Variants in BRD3 observed in about 807,000 individuals in gnomAD.
The protein encoded by BRD3 is bromodomain containing 3.
In BRD3, 17 loss-of-function variants were observed where a neutral mutation model predicts 66.8. The ratio of observed to expected loss-of-function variants is 0.25; its 90% confidence interval spans 0.17 to 0.38. BRD3 has a LOEUF of 0.38. Ranked by LOEUF, BRD3 falls within the 10% of genes least tolerant of loss-of-function variation. BRD3 has a pLI of 1.00. For missense variants in BRD3, 713 were observed against 956.1 expected (o/e 0.75, Z 3.35); for synonymous variants, 421 against 393.2 (o/e 1.07, Z -0.84).
chr9:134,035,358 C>T (rs556737728), intron 10 of BRD3, among the ~76,000 whole-genome samples: 31 of 152,290 alleles, frequency 2.0e-4, no homozygotes, highest in East Asian at 1.7e-3. Flanking sequence ...CATGCACACC[C>T]GAGAGGCCAC....
At chr9:134,036,871 C>T (rs1395703938) in intron 9 of BRD3, among the ~76,000 whole-genome samples, 3 of 151,956 alleles carry the variant, frequency 2.0e-5, no homozygotes, top group Admixed American at 6.6e-5. Flanking sequence ...ATTAGCCGGG[C>T]GTGGTGGCGG....
At position 134,051,877 on chromosome 9, in the gene BRD3, GT is replaced by G. The variant is rs777804125; in HGVS notation, c.352-169del. Among the ~76,000 whole-genome samples, 790 of 92,688 alleles carry G rather than the reference GT, an allele frequency of 8.5e-3. 20 individuals are homozygous for G. Among genetic ancestry groups the G allele is most frequent in the African/African-American group, 0.029 (559 of 19,130 alleles). 60.8% of individuals were successfully genotyped at this position (92,688 alleles called of 152,430 possible). On this transcript the variant is annotated intron_variant, in intron 3 of 11. Transcript: ENST00000303407. ...TGTGTGTGTGTGTGTGTGTGTGTGT[GT>G]TGTTTTTTTTGTTTTTTTTTTTTTT... is the stretch of plus-strand genomic sequence containing the variant.
At chr9:134,049,180 C>G (rs1165398738) in intron 5 of BRD3, among the ~76,000 whole-genome samples, 1 of 152,132 alleles carries the variant, frequency 6.6e-6, no homozygotes, top group Non-Finnish European at 1.5e-5. Context: ...CAGGCAGACG[C>G]GCATGTTTAA....
chr9:134,060,043 C>G (rs1200317276), intron 1 of BRD3, among the ~76,000 whole-genome samples: 1 of 152,180 alleles, frequency 6.6e-6, no homozygotes, highest in East Asian at 1.9e-4. Flanking sequence ...AGAGACCCTC[C>G]CTGGGGTCCA....
rs116598094 is a variant in BRD3, at chr9:134,031,231, C to T, written c.*2359G>A. On this transcript the variant is annotated 3_prime_UTR_variant, in exon 12 of 12. Coordinates refer to ENST00000303407, the MANE Select transcript of BRD3 (RefSeq NM_007371.4). ...AACCAGCCGAGAAGGAAAGGCCCCA[C>T]GATGCTCCTGCTGCGCTGCCCCCAC... The T allele has an allele frequency of 2.9e-3, 628 of 215,774 alleles. 5 individuals carry two copies. Among genetic ancestry groups the T allele is most frequent in the African/African-American group, 0.013 (590 of 44,404 alleles). The allele number at this position is 215,774 out of a possible 1,614,324, so 13.4% of individuals were successfully genotyped here. A position where few individuals can be genotyped will look rare whatever the true frequency, so the allele number is the denominator to read the frequency against.
intron 6 of BRD3, among the ~76,000 whole-genome samples, chr9:134,046,641 C>T (rs1830174383): frequency 6.6e-6 from 1 of 152,166 alleles, no homozygotes; most frequent in South Asian, 2.1e-4. Flanking sequence ...TAAACCATCC[C>T]CAAAAGCTCC....
Position 134,032,648 on chromosome 9 carries a change from G to A in BRD3, c.*942C>T, listed in dbSNP as rs957251300. ...GACTGTGTGAATGCATTTCTTCTGC[G>A]GTTTTTTCTTATTTTCTTTTTTTTA... On this transcript the variant is annotated 3_prime_UTR_variant, in exon 12 of 12. Transcript: ENST00000303407. 1 of 226,882 alleles carries A rather than the reference G, an allele frequency of 4.4e-6. No homozygotes were observed. 14.1% of individuals were successfully genotyped at this position (226,882 alleles called of 1,614,324 possible). A position where few individuals can be genotyped will look rare whatever the true frequency, so the allele number is the denominator to read the frequency against.
At chr9:134,043,709 A>G (rs903786147) in intron 7 of BRD3, among the ~76,000 whole-genome samples, 1 of 151,862 alleles carries the variant, frequency 6.6e-6, no homozygotes, top group African/African-American at 2.4e-5. Flanking sequence ...ATGGAAATCC[A>G]TCAGCCTCAG....
chr9:134,052,569 T>C, intron 2 of BRD3, 126 bp from the exon 3 acceptor site: 2 of 1,101,522 alleles, frequency 1.8e-6, no homozygotes, highest in South Asian at 1.5e-5. Flanking sequence ...AGGCACTTTC[T>C]GGTCTCTGAA....
chr9:134,034,948 G>C, intron 10 of BRD3, 119 bp from the exon 11 acceptor site: 2 of 1,446,956 alleles, frequency 1.4e-6, no homozygotes, highest in South Asian at 1.3e-5. Context: ...CAGCTGCCCA[G>C]CTTTCATGAG....
intron 9 of BRD3, among the ~76,000 whole-genome samples, chr9:134,038,197 C>G (rs1345244389): frequency 6.6e-6 from 1 of 152,092 alleles, no homozygotes; most frequent in African/African-American, 2.4e-5. Context: ...CTCTGTCGCC[C>G]AGGCTGGAGT....
chr9:134,036,451 G>A (rs1588272497), intron 9 of BRD3, 127 bp from the exon 10 acceptor site: 4 of 1,576,902 alleles, frequency 2.5e-6, no homozygotes, highest in South Asian at 2.3e-5. Context: ...CCAAAGTGGT[G>A]CCCCAAGGCA....
intron 7 of BRD3, among the ~76,000 whole-genome samples, chr9:134,042,779 AT>A (rs1212373240): frequency 1.2e-5 from 1 of 80,386 alleles, no homozygotes; most frequent in African/African-American, 4.5e-5. Flanking sequence ...ACACACATAT[AT>A]ATACACAAAT....
At chr9:134,051,495 C>T (rs574710353) in intron 4 of BRD3, 67 bp downstream of exon 4, 1 of 1,432,716 alleles carries the variant, frequency 7.0e-7, no homozygotes, top group African/African-American at 1.5e-5. Context: ...AGGATCGCGT[C>T]CCAGCCCATC....
upstream of BRD3, chr9:134,068,179 G>GCCCC (rs1564564397): frequency 2.1e-5 from 3 of 142,046 alleles, no homozygotes; most frequent in Admixed American, 6.9e-5. Flanking sequence ...GCCCCGCCCC[G>GCCCC]GGGGCCCCCG....
intron 7 of BRD3, among the ~76,000 whole-genome samples, chr9:134,043,391 T>A (rs1425065973): frequency 6.6e-6 from 1 of 152,210 alleles, no homozygotes; most frequent in East Asian, 1.9e-4. Flanking sequence ...GGAGGCACAG[T>A]GATGTGGAAA....
intron 10 of BRD3, 34 bp from the exon 11 acceptor site, chr9:134,034,863 A>G (rs1297863180): frequency 1.2e-6 from 2 of 1,608,582 alleles, no homozygotes; most frequent in Non-Finnish European, 8.5e-7. Flanking sequence ...CAGACTGCAG[A>G]GCAGACCGAT....
chr9:134,037,346 T>C (rs1370486995), intron 9 of BRD3, among the ~76,000 whole-genome samples: 1 of 152,148 alleles, frequency 6.6e-6, no homozygotes, highest in Non-Finnish European at 1.5e-5. Context: ...CCAAGGCAGG[T>C]GGATCACCTG....
chr9:134,067,653 C>T (rs1162987395), intron 1 of BRD3, among the ~76,000 whole-genome samples: 1 of 146,516 alleles, frequency 6.8e-6, no homozygotes, highest in Non-Finnish European at 1.5e-5. Flanking sequence ...GCCGCAGCGA[C>T]GCCCCGAGTC....
Sources: allele counts gnomAD v4.1 joint callset (sites outside exome capture counted in the v4.1 genomes callset), GRCh38; gene constraint gnomAD v4.1.1; transcripts MANE v1.5; gene names NCBI Gene and HGNC (gene_info 2026-07-23, HGNC 2026-07-21).